The following HHLA1 variants were observed in gnomAD, a reference collection of about 807,000 sequenced individuals.
The protein encoded by HHLA1 is HERV-H LTR-associating protein 1.
Under a neutral mutation model 69.9 loss-of-function variants are expected in HHLA1, and 72 were observed. The ratio of observed to expected loss-of-function variants is 1.03; its 90% CI spans 0.85 to 1.25. HHLA1 has a LOEUF of 1.25. Ranked by LOEUF, HHLA1 falls within the 50% of genes most tolerant of loss-of-function variation. HHLA1 has a pLI of 0.00. For missense variants in HHLA1, 685 were observed against 642.2 expected (o/e 1.07, Z -0.72); for synonymous variants, 252 against 233.2 (o/e 1.08, Z -0.73).
chr8:132,094,425 T>G (rs1483889935), intron 7 of HHLA1, among the ~76,000 whole-genome samples: 2 of 152,202 alleles, frequency 1.3e-5, no homozygotes. Flanking sequence ...CTCCCCACTT[T>G]GCCCTCACCA....
At chr8:132,064,068 C>T in intron 16 of HHLA1, 30 bp from the exon 17 acceptor site, 2 of 1,277,136 alleles carry the variant, frequency 1.6e-6, no homozygotes, top group South Asian at 2.5e-5. Flanking sequence ...AGAAGGAACT[C>T]AAGGTACTGA....
In HHLA1 at chr8:132,079,785, C is replaced by A. The variant is rs1196056806; in HGVS notation, c.858G>T (p.Arg286Ser). 1 of 1,551,654 alleles carries A rather than the reference C, an allele frequency of 6.4e-7. No individual in the cohort carries two copies. The highest frequency in any genetic ancestry group is 2.4e-5 in the East Asian group (1 of 40,908). ...TGGCCCTGGCTGGAAGCTCAGGAGG[C>A]CTGCCTGTGTTCAGGGTCTCCTCTG... The part of the protein sequence containing the change: ...SETEETLNTG[R>S]PPELPARATA... Residue 286 changes from arginine to serine, a missense_variant, in exon 11 of 17, where the codon AGG (arginine) becomes AGT (serine). By Grantham distance (110) the Arg-to-Ser change is moderately radical. Coordinates refer to ENST00000414222, the MANE Select transcript of HHLA1 (RefSeq NM_001145095.3).
intron 10 of HHLA1, among the ~76,000 whole-genome samples, chr8:132,083,966 C>A (rs1823812534): frequency 1.3e-5 from 2 of 151,194 alleles, no homozygotes; most frequent in Non-Finnish European, 3.0e-5. Context: ...ATAAGACGGC[C>A]TTTTGACCTT....
At chr8:132,090,844 C>T (rs370862656) in intron 7 of HHLA1, among the ~76,000 whole-genome samples, 19 of 151,380 alleles carry the variant, frequency 1.3e-4, no homozygotes, top group East Asian at 9.7e-4. Flanking sequence ...CTGCAAGTTC[C>T]GCCTCCCAGG....
intron 10 of HHLA1, among the ~76,000 whole-genome samples, chr8:132,082,962 G>C (rs1185993592): frequency 6.6e-6 from 1 of 151,100 alleles, no homozygotes; most frequent in East Asian, 1.9e-4. Context: ...TTTTTAAAGC[G>C]TGCTGTGGGA....
chr8:132,109,556 C>T (rs2130904117), intron 1 of HHLA1, among the ~76,000 whole-genome samples: 1 of 152,208 alleles, frequency 6.6e-6, no homozygotes, highest in South Asian at 2.1e-4. Flanking sequence ...TGTATTGATC[C>T]TCCCATTTTG....
intron 15 of HHLA1, among the ~76,000 whole-genome samples, chr8:132,069,108 GC>G (rs1823487734): frequency 6.6e-6 from 1 of 152,154 alleles, no homozygotes. Flanking sequence ...ATAGGGACAT[GC>G]CAGAGACTTG....
At chr8:132,097,920 A>G (rs1201344091) in intron 5 of HHLA1, among the ~76,000 whole-genome samples, 1 of 152,226 alleles carries the variant, frequency 6.6e-6, no homozygotes, top group African/African-American at 2.4e-5. Flanking sequence ...TGCCATTTAC[A>G]TAGACCTCAA....
At chr8:132,080,130 G>C (rs1278896191) in intron 10 of HHLA1, 164 bp from the exon 11 acceptor site, 3 of 974,606 alleles carry the variant, frequency 3.1e-6, no homozygotes, top group Admixed American at 4.0e-5. Context: ...TCTGACCCCT[G>C]TCAGAGCCTT....
At chr8:132,106,514 C>T (rs899913403) in intron 1 of HHLA1, among the ~76,000 whole-genome samples, 1 of 152,186 alleles carries the variant, frequency 6.6e-6, no homozygotes, top group African/African-American at 2.4e-5. Flanking sequence ...TACCAATTTT[C>T]CTCATCTGCA....
intron 7 of HHLA1, among the ~76,000 whole-genome samples, chr8:132,090,307 C>T (rs1823927221): frequency 6.6e-6 from 1 of 152,186 alleles, no homozygotes; most frequent in South Asian, 2.1e-4. Context: ...AAACAGCTGT[C>T]ATCTCCTTCT....
chr8:132,108,314 C>G (rs1202574036), intron 1 of HHLA1, among the ~76,000 whole-genome samples: 5 of 152,048 alleles, frequency 3.3e-5, no homozygotes, highest in Non-Finnish European at 7.3e-5. Flanking sequence ...TACTTCTGCA[C>G]CAACAATATA....
intron 5 of HHLA1, among the ~76,000 whole-genome samples, chr8:132,096,685 C>A (rs550724960): frequency 6.6e-6 from 1 of 152,114 alleles, no homozygotes; most frequent in Non-Finnish European, 1.5e-5. Context: ...ATCAACACAC[C>A]TTTAATAGGT....
chr8:132,093,087 T>A (rs1823970386), intron 7 of HHLA1, among the ~76,000 whole-genome samples: 1 of 152,194 alleles, frequency 6.6e-6, no homozygotes, highest in South Asian at 2.1e-4. Context: ...GGTTCCTATA[T>A]GTAGAGCAGG....
chr8:132,073,271 A>G (rs972159730), intron 14 of HHLA1, among the ~76,000 whole-genome samples: 1 of 152,108 alleles, frequency 6.6e-6, no homozygotes, highest in Non-Finnish European at 1.5e-5. Flanking sequence ...AAACCACCAC[A>G]TCTGGCCAGG....
At chr8:132,065,034 G>C (rs548314614) in intron 16 of HHLA1, among the ~76,000 whole-genome samples, 1 of 152,230 alleles carries the variant, frequency 6.6e-6, no homozygotes, top group African/African-American at 2.4e-5. Context: ...ATGATATTTA[G>C]AAGACCAGAG....
At chr8:132,075,496 A>G (rs1823619107) in intron 14 of HHLA1, among the ~76,000 whole-genome samples, 1 of 152,246 alleles carries the variant, frequency 6.6e-6, no homozygotes. Flanking sequence ...CTACAAACTC[A>G]GGAAATGGTC....
intron 14 of HHLA1, among the ~76,000 whole-genome samples, chr8:132,072,085 A>T (rs1451947629): frequency 6.6e-6 from 1 of 152,166 alleles, no homozygotes; most frequent in African/African-American, 2.4e-5. Context: ...GTCACTGGAG[A>T]GTCAGGCTCT....
chr8:132,095,432 T>C (rs1824006522), intron 7 of HHLA1, 87 bp downstream of exon 7: 3 of 805,738 alleles, frequency 3.7e-6, no homozygotes, highest in Admixed American at 2.1e-5. Context: ...TATTTTCCTG[T>C]CTTACATTGA....
Sources: gnomAD v4.1 joint callset for allele counts (sites outside exome capture counted in the v4.1 genomes callset) on GRCh38, gnomAD v4.1.1 for gene constraint, MANE v1.5 for transcripts, NCBI Gene and HGNC (gene_info 2026-07-23, HGNC 2026-07-21) for gene names.